Variants in TANC2 observed in about 807,000 individuals in gnomAD.
TANC2 encodes protein TANC2.
Under a neutral mutation model 210.5 loss-of-function variants are expected in TANC2, and 26 were observed. That is an observed-to-expected ratio of 0.12 (90% CI 0.09 to 0.17). The LOEUF is 0.17. Ranked by LOEUF, TANC2 falls within the 10% of genes least tolerant of loss-of-function variation. TANC2 has a pLI of 1.00. For synonymous variants in TANC2, 931 were observed against 967.1 expected (o/e 0.96, Z 0.69); for missense variants, 2,129 against 2,608.9 (o/e 0.82, Z 4.01).
chr17:63,302,920 T>TG (rs2146503179), intron 9 of TANC2, among the ~76,000 whole-genome samples: 1 of 152,024 alleles, frequency 6.6e-6, no homozygotes, highest in African/African-American at 2.4e-5. Context: ...TGCGCCACCA[T>TG]GCCTGGCTAA....
intron 10 of TANC2, among the ~76,000 whole-genome samples, chr17:63,318,409 G>A (rs1226287785): frequency 6.6e-6 from 1 of 152,188 alleles, no homozygotes; most frequent in Non-Finnish European, 1.5e-5. Flanking sequence ...TCACAGAGTT[G>A]TATAGCAATC....
chr17:63,315,959 C>T (rs141955404), intron 10 of TANC2, among the ~76,000 whole-genome samples: 62 of 152,284 alleles, frequency 4.1e-4, no homozygotes, highest in African/African-American at 1.5e-3. Flanking sequence ...AAATGAAGCT[C>T]TTCTGAGGTA....
intron 4 of TANC2, among the ~76,000 whole-genome samples, chr17:63,110,613 C>T (rs1374539449): frequency 6.8e-6 from 1 of 147,952 alleles, no homozygotes; most frequent in Non-Finnish European, 1.5e-5. Flanking sequence ...ATTTCGTCCA[C>T]ACCTGAGGGA....
At chr17:63,379,375 G>A (rs904249197) in intron 14 of TANC2, among the ~76,000 whole-genome samples, 2 of 152,162 alleles carry the variant, frequency 1.3e-5, no homozygotes, top group Non-Finnish European at 2.9e-5. Context: ...CAGAATTGGG[G>A]CATTAACATT....
chr17:63,238,789 A>G (rs1339149722), intron 8 of TANC2, among the ~76,000 whole-genome samples: 4 of 152,202 alleles, frequency 2.6e-5, no homozygotes, highest in Admixed American at 6.5e-5. Flanking sequence ...ACTTATAATC[A>G]TGGCAGAAGG....
intron 8 of TANC2, among the ~76,000 whole-genome samples, chr17:63,257,074 AT>A (rs58464562): frequency 0.27 from 34,067 of 125,878 alleles, 3,890 homozygotes; most frequent in South Asian, 0.33. Flanking sequence ...GTTGGTTGGT[AT>A]TTTTTTTTTT....
chr17:63,278,866 A>G (rs551457117), intron 9 of TANC2, among the ~76,000 whole-genome samples: 1 of 152,292 alleles, frequency 6.6e-6, no homozygotes, highest in African/African-American at 2.4e-5. Flanking sequence ...CAAATATGAC[A>G]TGATTCCACT....
rs2037098120 is a variant in TANC2, at chr17:63,089,416, A to G, written c.140-9759A>G. Among the ~76,000 whole-genome samples, 3 of 152,174 alleles carry G rather than the reference A, an allele frequency of 2.0e-5. No individual in the cohort carries two copies. The South Asian group carries it at 6.2e-4, about 31-fold the overall frequency. On this transcript the variant is annotated intron_variant, in intron 3 of 27. Transcript: ENST00000689528. ...AAGAAGAAAGTCATATCAGGTAATG[A>G]TAAGTGCTGTGTGAATTGAGGGGGA...
intron 3 of TANC2, among the ~76,000 whole-genome samples, chr17:63,075,737 C>T (rs779752685): frequency 6.6e-5 from 10 of 151,760 alleles, no homozygotes; most frequent in African/African-American, 1.2e-4. Flanking sequence ...AGGCTGGTCT[C>T]GGAACTTCTG....
intron 14 of TANC2, among the ~76,000 whole-genome samples, chr17:63,375,245 C>T (rs2047389397): frequency 6.6e-6 from 1 of 152,172 alleles, no homozygotes. Flanking sequence ...AATAATGTAG[C>T]ATGCTTGTAT....
chr17:63,149,030 G>A (rs2039557009), intron 4 of TANC2: 1 of 152,092 alleles, frequency 6.6e-6, no homozygotes, highest in Admixed American at 6.6e-5. Context: ...ATGGATGAGG[G>A]AAGAGGTGAA....
chr17:63,355,170 T>A, exon 14 of TANC2: 1 of 1,613,820 alleles, frequency 6.2e-7, no homozygotes, highest in Non-Finnish European at 8.5e-7. Context: ...GGCAGTGGCC[T>A]CTCTCCACCC....
At chr17:63,329,976 T>C (rs2045781798) in intron 11 of TANC2, among the ~76,000 whole-genome samples, 1 of 152,182 alleles carries the variant, frequency 6.6e-6, no homozygotes, top group Admixed American at 6.5e-5. Context: ...AAGCAAGTAA[T>C]CAAGTTTTGA....
intron 11 of TANC2, among the ~76,000 whole-genome samples, chr17:63,323,426 G>T (rs1023446822): frequency 6.6e-6 from 1 of 152,122 alleles, no homozygotes; most frequent in African/African-American, 2.4e-5. Flanking sequence ...GGCATCTCTC[G>T]AGCGTGTCTC....
chr17:63,076,051 C>T (rs1598358602), intron 3 of TANC2, among the ~76,000 whole-genome samples: 2 of 152,084 alleles, frequency 1.3e-5, no homozygotes, highest in African/African-American at 2.4e-5. Context: ...AAAACAACCT[C>T]GAGAGGTCTC....
At chr17:63,233,645 C>T (rs909775329) in intron 7 of TANC2, among the ~76,000 whole-genome samples, 4 of 152,210 alleles carry the variant, frequency 2.6e-5, no homozygotes, top group African/African-American at 4.8e-5. Context: ...AGCCTCCAAA[C>T]GCATATATTT....
intron 1 of TANC2, among the ~76,000 whole-genome samples, chr17:62,975,573 T>C (rs2031955477): frequency 6.6e-6 from 1 of 150,924 alleles, no homozygotes; most frequent in Non-Finnish European, 1.5e-5. Flanking sequence ...TTTTTTTTAA[T>C]GTAGAGACAG....
At chr17:63,287,706 GTC>G (rs1387659077) in intron 9 of TANC2, among the ~76,000 whole-genome samples, 5 of 148,226 alleles carry the variant, frequency 3.4e-5, no homozygotes, top group African/African-American at 1.3e-4. Context: ...TTTTTGAGGA[GTC>G]TCTGTCACCC....
chr17:63,034,929 T>C (rs2034912339), intron 2 of TANC2, among the ~76,000 whole-genome samples: 2 of 152,206 alleles, frequency 1.3e-5, no homozygotes, highest in Admixed American at 6.6e-5. Flanking sequence ...GCAAATAATT[T>C]AGAATATTTC....
Sources: gnomAD v4.1 joint callset for allele counts (sites outside exome capture counted in the v4.1 genomes callset) on GRCh38, gnomAD v4.1.1 for gene constraint, MANE v1.5 for transcripts, NCBI Gene and HGNC (gene_info 2026-07-23, HGNC 2026-07-21) for gene names.